SSH2: variants seen among roughly 807,000 people sequenced by gnomAD.
SSH2 encodes the protein protein phosphatase Slingshot homolog 2.
In SSH2, 37 loss-of-function variants were observed where a neutral mutation model predicts 135.2. The ratio of observed to expected loss-of-function variants is 0.27; its 90% CI spans 0.21 to 0.36. The LOEUF (loss-of-function observed/expected upper bound fraction) is 0.36, where lower values mean the gene tolerates loss of function less well. SSH2 is among the 10% of genes least tolerant of loss of function. The pLI, the probability that SSH2 is intolerant of heterozygous loss-of-function variation, is 1.00. For synonymous variants in SSH2, 628 were observed against 646.2 expected (o/e 0.97, Z 0.43); for missense variants, 1,408 against 1,765.3 (o/e 0.80, Z 3.63).
At chr17:29,728,776 G>A (rs185305768) in intron 3 of SSH2, among the ~76,000 whole-genome samples, 1 of 152,162 alleles carries the variant, frequency 6.6e-6, no homozygotes, top group African/African-American at 2.4e-5. Flanking sequence ...TTTGACAAAA[G>A]TGTCAAGAAC....
intron 1 of SSH2, among the ~76,000 whole-genome samples, chr17:29,885,314 T>C (rs911753000): frequency 6.7e-6 from 1 of 149,074 alleles, no homozygotes; most frequent in Non-Finnish European, 1.5e-5. Context: ...TAACTCTTAT[T>C]AACCAAAGAC....
chr17:29,856,072 A>C (rs1047564562), intron 1 of SSH2: 1 of 341,672 alleles, frequency 2.9e-6, no homozygotes, highest in Non-Finnish European at 5.6e-6. Context: ...GTTATCCAGG[A>C]GCATGGGTCT....
Position 29,930,056 on chromosome 17 carries a change from G to C in SSH2, c.-56C>G, listed in dbSNP as rs551093286. On this transcript the variant is annotated 5_prime_UTR_variant, in exon 1 of 16. Transcript: ENST00000540801. ...CATTCTTGTCCTGAGTGTGGGGGAC[G>C]GGAGGGTGACGGAGCCGGGATGGGG... is the stretch of plus-strand genomic sequence containing the variant. The C allele has an allele frequency of 2.4e-4, 364 of 1,501,266 alleles. 7 individuals are homozygous for C. In the South Asian group the frequency reaches 4.3e-3, roughly 18 times the overall value. The allele number at this position is 1,501,266 out of a possible 1,614,324, so 93.0% of individuals were successfully genotyped here.
chr17:29,701,332 C>T (rs1479442061), intron 4 of SSH2, among the ~76,000 whole-genome samples: 2 of 151,586 alleles, frequency 1.3e-5, no homozygotes, highest in Non-Finnish European at 2.9e-5. Context: ...GTCTCAAACT[C>T]CTGACCTCAG....
intron 4 of SSH2, among the ~76,000 whole-genome samples, chr17:29,696,182 C>CAT (rs2038727628): frequency 8.2e-6 from 1 of 121,598 alleles, no homozygotes; most frequent in Non-Finnish European, 1.9e-5. Context: ...TATACACACA[C>CAT]ACACACACAC....
In SSH2 at chr17:29,628,622, A is replaced by G. The variant is rs951689865; in HGVS notation, c.*2219T>C. 1 of 152,180 alleles carries G rather than the reference A, an allele frequency of 6.6e-6. No homozygotes were observed. Among genetic ancestry groups the G allele is most frequent in the African/African-American group, 2.4e-5 (1 of 41,450 alleles). The allele number at this position is 152,180 out of a possible 1,614,324, so 9.4% of individuals were successfully genotyped here. A position where few individuals can be genotyped will look rare whatever the true frequency, so the allele number is the denominator to read the frequency against. On this transcript the variant is annotated 3_prime_UTR_variant, in exon 16 of 16. Coordinates refer to ENST00000540801, the MANE Select transcript of SSH2 (RefSeq NM_001282129.2). ...TATTCTACATGGAAGAGCTCTGGAA[A>G]TCCATAACCCTGTCTCAAGCCTCCT...
At position 29,738,811 on chromosome 17, in the gene SSH2, C is replaced by G. The variant is rs371550553; in HGVS notation, c.189-35749G>C. On this transcript the variant is annotated intron_variant, in intron 3 of 15. Transcript: ENST00000540801. ...CCTTGTGATCCGCCCGCCCCGGCCT[C>G]CCAAAGTGCTGGGATTACAGGCGTG... Among the ~76,000 whole-genome samples, 41 of 152,266 alleles carry G rather than the reference C, an allele frequency of 2.7e-4. No individual in the cohort carries two copies. The East Asian group carries it at 6.6e-3, about 24-fold the overall frequency.
At chr17:29,784,320 G>C (rs563731431) in intron 3 of SSH2, among the ~76,000 whole-genome samples, 31 of 151,906 alleles carry the variant, frequency 2.0e-4, no homozygotes, top group Middle Eastern at 3.4e-3. Context: ...GGGAGATGGA[G>C]GTTGCAATGA....
intron 3 of SSH2, among the ~76,000 whole-genome samples, chr17:29,791,917 CTTTT>C (rs36064413): frequency 1.6e-5 from 2 of 128,330 alleles, no homozygotes; most frequent in Admixed American, 8.0e-5. Context: ...TCTTCTTCCT[CTTTT>C]TTTTTTTTTT....
intron 3 of SSH2, among the ~76,000 whole-genome samples, chr17:29,749,286 G>A (rs148165359): frequency 6.6e-6 from 1 of 152,334 alleles, no homozygotes; most frequent in Non-Finnish European, 1.5e-5. Context: ...CTTAATGACA[G>A]GAATACATTC....
chr17:29,680,761 T>G (rs2037946420), intron 6 of SSH2, among the ~76,000 whole-genome samples: 1 of 152,060 alleles, frequency 6.6e-6, no homozygotes, highest in Non-Finnish European at 1.5e-5. Context: ...TGAAAACGGC[T>G]TCCCAAGATG....
At position 29,791,927 on chromosome 17, in the gene SSH2, T is replaced by C. The variant is rs541540990; in HGVS notation, c.188+1967A>G. ...ATTCTTCTTCTTCCTCTTTTTTTTT[T>C]TTTTTTTTTTAGTAAGACAGAGTCT... is the stretch of plus-strand genomic sequence containing the variant. On this transcript the variant is annotated intron_variant, in intron 3 of 15. Coordinates refer to ENST00000540801, the MANE Select transcript of SSH2 (RefSeq NM_001282129.2). Among the ~76,000 whole-genome samples, 262 of 150,638 alleles carry C rather than the reference T, an allele frequency of 1.7e-3. 1 individual carries two copies. The highest frequency in any genetic ancestry group is 2.8e-3 in the Non-Finnish European group (187 of 67,478).
intron 1 of SSH2, among the ~76,000 whole-genome samples, chr17:29,881,777 G>C (rs558117888): frequency 9.9e-5 from 15 of 152,258 alleles, no homozygotes; most frequent in African/African-American, 3.4e-4. Context: ...TGGGATTACA[G>C]GTATGAGCCA....
intron 3 of SSH2, among the ~76,000 whole-genome samples, chr17:29,736,477 A>G (rs1193455501): frequency 6.6e-6 from 1 of 152,170 alleles, no homozygotes; most frequent in Non-Finnish European, 1.5e-5. Flanking sequence ...AACATAAGGT[A>G]TAACAGTTAC....
intron 4 of SSH2, among the ~76,000 whole-genome samples, chr17:29,701,389 G>C (rs1461826301): frequency 6.7e-6 from 1 of 149,978 alleles, no homozygotes; most frequent in East Asian, 2.0e-4. Flanking sequence ...TCATAGGCGC[G>C]AGCCGTGCCT....
At chr17:29,739,716 T>C (rs1428350562) in intron 3 of SSH2, among the ~76,000 whole-genome samples, 1 of 152,170 alleles carries the variant, frequency 6.6e-6, no homozygotes, top group East Asian at 1.9e-4. Flanking sequence ...GTATATGAAA[T>C]ACCTGAATCT....
intron 2 of SSH2, among the ~76,000 whole-genome samples, chr17:29,823,529 C>T (rs1186340341): frequency 1.3e-5 from 2 of 152,202 alleles, no homozygotes; most frequent in South Asian, 2.1e-4. Flanking sequence ...GCTCTAACAT[C>T]GAACTCCAGG....
chr17:29,746,883 G>T (rs1322152302), intron 3 of SSH2, among the ~76,000 whole-genome samples: 3 of 152,304 alleles, frequency 2.0e-5, no homozygotes, highest in African/African-American at 7.2e-5. Context: ...TTTTGCTGGG[G>T]TGATGAAGTA....
intron 3 of SSH2, among the ~76,000 whole-genome samples, chr17:29,769,381 T>G (rs1056746481): frequency 9.2e-5 from 14 of 152,210 alleles, no homozygotes; most frequent in African/African-American, 3.4e-4. Flanking sequence ...ATCCTACTTA[T>G]GCCTAGCAGG....
Sources: gnomAD v4.1 joint callset for allele counts (sites outside exome capture counted in the v4.1 genomes callset) on GRCh38, gnomAD v4.1.1 for gene constraint, MANE v1.5 for transcripts, NCBI Gene and HGNC (gene_info 2026-07-23, HGNC 2026-07-21) for gene names.